Variants in GLIPR1L2 observed in about 807,000 individuals in gnomAD.
GLIPR1L2 encodes the protein GLIPR1 like 2.
A neutral mutation model predicts 28.4 loss-of-function variants in GLIPR1L2; 21 were observed. The ratio of observed to expected loss-of-function variants is 0.74; its 90% CI spans 0.52 to 1.06. The LOEUF (loss-of-function observed/expected upper bound fraction) is 1.06, where lower values mean the gene tolerates loss of function less well. Among genes scored for constraint, GLIPR1L2 ranks in the 50% least tolerant of loss-of-function variants. The pLI is 0.00. For synonymous variants in GLIPR1L2, 145 were observed against 139.3 expected, an observed-to-expected ratio of 1.04 and a Z score of -0.29; for missense variants, 476 against 416.9, an observed-to-expected ratio of 1.14 and a Z score of -1.23.
Position 75,429,744 on chromosome 12 carries a change from T to C in GLIPR1L2, c.671-971T>C, listed in dbSNP as rs145656297. Among the ~76,000 whole-genome samples the C allele has an allele frequency of 1.4e-4, 21 of 152,120 alleles. No individual in the cohort carries two copies. The East Asian group carries it at 4.1e-3, about 29-fold the overall frequency. On this transcript the variant is annotated intron_variant, in intron 4 of 5. Transcript: ENST00000550916. Reference sequence around the variant, plus strand: ...AGTTTCCCCCATGCTGTTCTCATGATAATGAATGAATTCTCATAAGATCTG... The same window carrying C: ...AGTTTCCCCCATGCTGTTCTCATGACAATGAATGAATTCTCATAAGATCTG...
intron 4 of GLIPR1L2, 59 bp from the exon 5 acceptor site, chr12:75,430,656 A>AT: frequency 6.9e-7 from 1 of 1,441,736 alleles, no homozygotes. Context: ...AGATTATCTT[A>AT]TTTTTTAGAC....
chr12:75,407,430 AAGTTC>A (rs2045815584), intron 1 of GLIPR1L2, among the ~76,000 whole-genome samples: 1 of 152,164 alleles, frequency 6.6e-6, no homozygotes, highest in South Asian at 2.1e-4. Context: ...ATAAAATGCA[AAGTTC>A]CTAAATCTTA....
At chr12:75,429,818 C>G (rs1224546178) in intron 4 of GLIPR1L2, among the ~76,000 whole-genome samples, 1 of 152,050 alleles carries the variant, frequency 6.6e-6, no homozygotes, top group East Asian at 1.9e-4. Context: ...CCTCCTGCCA[C>G]CATGTAAGAT....
intron 4 of GLIPR1L2, among the ~76,000 whole-genome samples, chr12:75,429,189 C>T (rs1351466611): frequency 6.6e-6 from 1 of 152,202 alleles, no homozygotes; most frequent in Non-Finnish European, 1.5e-5. Flanking sequence ...AGCCACAGGG[C>T]CTGAACCCTT....
chr12:75,391,566 A>C, intron 1 of GLIPR1L2: 1 of 1,501,264 alleles, frequency 6.7e-7, no homozygotes, highest in Non-Finnish European at 8.9e-7. Context: ...GGCCAGGACT[A>C]AGGTGATGGA....
intron 1 of GLIPR1L2, among the ~76,000 whole-genome samples, chr12:75,407,191 C>T (rs576949626): frequency 1.3e-5 from 2 of 152,092 alleles, no homozygotes; most frequent in Non-Finnish European, 2.9e-5. Flanking sequence ...CCCACTTATC[C>T]TTGCTGTGTT....
intron 4 of GLIPR1L2, 60 bp from the exon 5 acceptor site, chr12:75,430,655 T>A (rs2046081948): frequency 1.7e-5 from 24 of 1,440,762 alleles, no homozygotes; most frequent in Non-Finnish European, 2.1e-5. Flanking sequence ...GAGATTATCT[T>A]ATTTTTTAGA....
chr12:75,405,829 G>C (rs1008190532), intron 1 of GLIPR1L2, among the ~76,000 whole-genome samples: 1 of 152,070 alleles, frequency 6.6e-6, no homozygotes, highest in Non-Finnish European at 1.5e-5. Context: ...CATGGTCAAA[G>C]CTGGCTAAGA....
At position 75,432,013 on chromosome 12, in the gene GLIPR1L2, A is replaced by G. The variant is rs2139973495; in HGVS notation, c.*852A>G. 1 of 152,234 alleles carries G rather than the reference A, an allele frequency of 6.6e-6. No homozygotes were observed. The highest frequency in any genetic ancestry group is 2.1e-4 in the South Asian group (1 of 4,832). The allele number at this position is 152,234 out of a possible 1,614,324, so 9.4% of individuals were successfully genotyped here. On this transcript the variant is annotated 3_prime_UTR_variant, in exon 6 of 6. Transcript: ENST00000550916. ...GGAGATTTCTTTATCTATAAAATAA[A>G]TGGATAGCACTAGATGACCACTAAG... is the stretch of plus-strand genomic sequence containing the variant.
chr12:75,403,879 G>A (rs1474463017), intron 1 of GLIPR1L2, among the ~76,000 whole-genome samples: 2 of 151,988 alleles, frequency 1.3e-5, no homozygotes, highest in Non-Finnish European at 2.9e-5. Flanking sequence ...ATAACAAATT[G>A]GAAAGAGACT....
In GLIPR1L2 at chr12:75,431,990, A is replaced by C. The variant is rs574207698; in HGVS notation, c.*829A>C. 2.6e-5 allele frequency: 4 copies of C among 152,248 alleles called. No homozygotes were observed. In the South Asian group the frequency reaches 8.3e-4, roughly 32 times the overall value. 9.4% of individuals were successfully genotyped at this position (152,248 alleles called of 1,614,324 possible). A position where few individuals can be genotyped will look rare whatever the true frequency, so the allele number is the denominator to read the frequency against. On this transcript the variant is annotated 3_prime_UTR_variant, in exon 6 of 6. Transcript: ENST00000550916. ...ACTAAATAAAAATACCTAGCATAGG[A>C]GATTTCTTTATCTATAAAATAAATG...
chr12:75,425,065 G>A (rs2046020063), intron 4 of GLIPR1L2, among the ~76,000 whole-genome samples: 1 of 152,102 alleles, frequency 6.6e-6, no homozygotes, highest in Non-Finnish European at 1.5e-5. Context: ...GCCATGTGTG[G>A]GAAGTCAGAG....
intron 4 of GLIPR1L2, chr12:75,423,220 T>C: frequency 7.4e-7 from 1 of 1,355,956 alleles, no homozygotes; most frequent in Non-Finnish European, 9.4e-7. Flanking sequence ...CATACCAGAG[T>C]GTCAGAAAGA....
rs1193104372 is a variant in GLIPR1L2, at chr12:75,430,831, A to G, written c.705A>G (p.Arg235=). 1.3e-6 allele frequency: 2 copies of G among 1,533,442 alleles called. No individual in the cohort carries two copies. The highest frequency in any genetic ancestry group is 2.0e-5 in the Admixed American group (1 of 50,712). 95.0% of individuals were successfully genotyped at this position (1,533,442 alleles called of 1,614,324 possible). A position where few individuals can be genotyped will look rare whatever the true frequency, so the allele number is the denominator to read the frequency against. Residue 235 remains arginine (R), a synonymous_variant, in exon 6 of 6, where the codon CGA becomes CGG. Transcript: ENST00000550916. ...NADRDQATYY[R]FWYPKWEMPR... is the part of the protein sequence containing the mutation. ...TTGCTTCTTTGTTTACAGATTACCG[A>G]TTTTGGTATCCAAAATGGGAAATGC... is the stretch of plus-strand genomic sequence containing the variant.
chr12:75,402,740 C>T (rs1220309488), intron 1 of GLIPR1L2, among the ~76,000 whole-genome samples: 2 of 152,116 alleles, frequency 1.3e-5, no homozygotes, highest in Non-Finnish European at 2.9e-5. Flanking sequence ...CATCTGTTGC[C>T]CTTGATGTCT....
chr12:75,396,307 G>A (rs1317788250), intron 1 of GLIPR1L2, among the ~76,000 whole-genome samples: 2 of 152,014 alleles, frequency 1.3e-5, no homozygotes, highest in East Asian at 3.9e-4. Flanking sequence ...GGGACTACAG[G>A]TACTCACCAC....
chr12:75,414,648 G>C (rs1201323044), intron 3 of GLIPR1L2, among the ~76,000 whole-genome samples: 2 of 152,074 alleles, frequency 1.3e-5, no homozygotes, highest in Non-Finnish European at 2.9e-5. Flanking sequence ...AACATTTTAG[G>C]TGTCCTTTCA....
rs2139942780 is a variant in GLIPR1L2 at position 75,410,676 on chromosome 12, T to G, written c.477T>G (p.Ile159Met). The G allele has an allele frequency of 6.3e-7, 1 of 1,590,766 alleles. No homozygotes were observed. Among genetic ancestry groups the G allele is most frequent in the East Asian group, 2.2e-5 (1 of 44,474 alleles). Reference sequence around the variant, plus strand: ...GCTCTGGAGACTGTTCTAATTATATTCAGGTATGTAATTTTTATTTTGTTA... The same window carrying G: ...GCTCTGGAGACTGTTCTAATTATATGCAGGTATGTAATTTTTATTTTGTTA... The part of the protein sequence containing the change: ...GSCSGDCSNY[I>M]QLVWDHSYKV... Residue 159 changes from isoleucine to methionine, a missense_variant, in exon 2 of 6, where the codon ATT (isoleucine) becomes ATG (methionine). Physicochemically the swap from Ile to Met is conservative, Grantham distance 10. Coordinates refer to ENST00000550916, the MANE Select transcript of GLIPR1L2 (RefSeq NM_001270396.2).
chr12:75,408,330 T>A (rs548812969), intron 1 of GLIPR1L2, among the ~76,000 whole-genome samples: 1 of 152,136 alleles, frequency 6.6e-6, no homozygotes, highest in South Asian at 2.1e-4. Flanking sequence ...TTAGATTTCA[T>A]GGGTTTAAAT....
Sources: allele counts gnomAD v4.1 joint callset (sites outside exome capture counted in the v4.1 genomes callset), GRCh38; gene constraint gnomAD v4.1.1; transcripts MANE v1.5; gene names NCBI Gene and HGNC (gene_info 2026-07-23, HGNC 2026-07-21).